The following UCHL5 variants were observed in gnomAD, a reference collection of about 807,000 sequenced individuals.
UCHL5 encodes the protein ubiquitin C-terminal hydrolase L5, also known as ubiquitin carboxyl-terminal hydrolase isozyme L5.
Under a neutral mutation model 53.8 loss-of-function variants are expected in UCHL5, and 34 were observed. The ratio of observed to expected loss-of-function variants is 0.63; its 90% CI spans 0.48 to 0.84. The LOEUF is 0.84. UCHL5 is among the 40% of genes least tolerant of loss of function. The pLI is 0.00. For synonymous variants in UCHL5, 111 were observed against 126.3 expected, an observed-to-expected ratio of 0.88 and a Z score of 0.81; for missense variants, 290 against 385.6, an observed-to-expected ratio of 0.75 and a Z score of 2.08.
chr1:193,016,328 T>C lies in UCHL5; in HGVS notation c.*23A>G, dbSNP rs1654898999. 3.8e-6 allele frequency: 6 copies of C among 1,598,518 alleles called. No homozygotes were observed. Among genetic ancestry groups the C allele is most frequent in the Non-Finnish European group, 4.3e-6 (5 of 1,175,502 alleles). ...ATGAAAATATGTGCAGAAGCAGAAA[T>C]GTGTACATATCTGAAAACATCTTCA... On this transcript the variant is annotated 3_prime_UTR_variant, in exon 11 of 11. Transcript: ENST00000367454.
rs770158041 is a variant in UCHL5 at position 193,029,322 on chromosome 1, A to C, written c.435-13T>G. 1.2e-6 allele frequency: 2 copies of C among 1,613,098 alleles called. No homozygotes were observed. The highest frequency in any genetic ancestry group is 1.1e-5 in the South Asian group (1 of 90,886). ...AAACATTTGCTGTCTACAGTAAATA[A>C]AAAAATAGTGAAACTCAAAGAAGCA... On this transcript the variant is annotated splice_polypyrimidine_tract_variant and intron_variant, in intron 5 of 10. Transcript: ENST00000367454.
chr1:193,043,016 T>C (rs964735562), intron 3 of UCHL5, among the ~76,000 whole-genome samples: 8 of 151,904 alleles, frequency 5.3e-5, no homozygotes, highest in Non-Finnish European at 1.2e-4. Flanking sequence ...CCCTTCCTCC[T>C]GTCTGAATAC....
intron 3 of UCHL5, among the ~76,000 whole-genome samples, chr1:193,043,740 C>T (rs1248393305): frequency 6.6e-6 from 1 of 152,138 alleles, no homozygotes; most frequent in African/African-American, 2.4e-5. Context: ...GACCAAGGCC[C>T]ACTAAAAACT....
At chr1:193,023,816 C>T in intron 8 of UCHL5, 28 bp downstream of exon 8, 4 of 1,539,024 alleles carry the variant, frequency 2.6e-6, no homozygotes, top group Non-Finnish European at 3.6e-6. Context: ...CAAGCTAGAA[C>T]TTTGTACTTA....
upstream of UCHL5, chr1:193,059,679 C>A: frequency 7.3e-7 from 1 of 1,366,500 alleles, no homozygotes; most frequent in Non-Finnish European, 9.8e-7. This position sits in a 1 kb window ranked among gnomAD's most constrained non-coding sequence, Gnocchi z 4.9. Context: ...CTGTGGCTGT[C>A]GCTGCCCGTC....
intron 3 of UCHL5, among the ~76,000 whole-genome samples, chr1:193,043,165 A>AAAAAAAAAAAAAAC: frequency 6.8e-6 from 1 of 148,080 alleles, no homozygotes; most frequent in Non-Finnish European, 1.5e-5. Flanking sequence ...AAAAAAAAAA[A>AAAAAAAAAAAAAAC]AAAAAAAAAA....
rs1656271861 is a variant in UCHL5, at chr1:193,019,838, T to C, written c.942+1259A>G. The C allele has an allele frequency of 7.4e-6, 7 of 950,090 alleles. No homozygotes were observed. The South Asian group carries it at 3.4e-4, about 46-fold the overall frequency. The allele number at this position is 950,090 out of a possible 1,614,324, so 58.9% of individuals were successfully genotyped here. ...TCAATTTTAATGCAAAATTTATACA[T>C]TTAATATTTATCTAAGGGTCCTAGT... is the stretch of plus-strand genomic sequence containing the variant. On this transcript the variant is annotated intron_variant, in intron 10 of 10. Transcript: ENST00000367454.
Position 193,013,615 on chromosome 1 carries a change from T to C in UCHL5, c.*2736A>G, listed in dbSNP as rs942188512. 2.6e-5 allele frequency: 4 copies of C among 152,182 alleles called. No homozygotes were observed. The highest frequency in any genetic ancestry group is 5.9e-5 in the Non-Finnish European group (4 of 68,024). 9.4% of individuals were successfully genotyped at this position (152,182 alleles called of 1,614,324 possible). ...TTTTTACTTATCTGTTTTCTCTAAA[T>C]GGTTTTTGAGGAGAATACATTAAAA... On this transcript the variant is annotated 3_prime_UTR_variant, in exon 11 of 11. Transcript: ENST00000367454.
Position 193,059,279 on chromosome 1 carries a change from C to A in UCHL5, c.-19G>T, listed in dbSNP as rs1055508895. The A allele has an allele frequency of 1.5e-5, 25 of 1,613,614 alleles. No homozygotes were observed. The highest frequency in any genetic ancestry group is 2.0e-5 in the Non-Finnish European group (24 of 1,179,822). ...CCGTCATGGCCCTGGCCACACACCGCCCCGATCCACCTCTCGCTCTCAGCT... is the reference window on the plus strand; with the variant it reads ...CCGTCATGGCCCTGGCCACACACCGACCCGATCCACCTCTCGCTCTCAGCT... On this transcript the variant is annotated 5_prime_UTR_variant, in exon 1 of 11. Coordinates refer to ENST00000367454, the MANE Select transcript of UCHL5 (RefSeq NM_001199261.3). The surrounding 1 kb of genome is among the most constrained non-coding windows in gnomAD (Gnocchi z 4.9).
chr1:193,014,854 C>T lies in UCHL5; in HGVS notation c.*1497G>A, dbSNP rs1206627930. On this transcript the variant is annotated 3_prime_UTR_variant, in exon 11 of 11. Coordinates refer to ENST00000367454, the MANE Select transcript of UCHL5 (RefSeq NM_001199261.3). ...TGTATTGATTACTAAATACAACTTA[C>T]CACAATAATCCTCACATTGCTTAAC... 6.6e-6 allele frequency: 1 copy of T among 152,014 alleles called. No individual in the cohort carries two copies. Among genetic ancestry groups the T allele is most frequent in the African/African-American group, 2.4e-5 (1 of 41,396 alleles). The allele number at this position is 152,014 out of a possible 1,614,324, so 9.4% of individuals were successfully genotyped here.
intron 3 of UCHL5, among the ~76,000 whole-genome samples, chr1:193,040,923 G>C (rs144772994): frequency 0.012 from 1,850 of 152,290 alleles, 18 homozygotes; most frequent in South Asian, 0.034. Context: ...TCACTCACAT[G>C]TGAAAGCTAA....
chr1:193,046,379 T>C (rs535886857), intron 3 of UCHL5, among the ~76,000 whole-genome samples: 94 of 152,074 alleles, frequency 6.2e-4, no homozygotes, highest in Non-Finnish European at 1.1e-3. Context: ...TGTTGACTAC[T>C]AAAAGATTAA....
At chr1:193,051,422 T>A (rs974962085) in intron 2 of UCHL5, among the ~76,000 whole-genome samples, 1 of 151,842 alleles carries the variant, frequency 6.6e-6, no homozygotes, top group African/African-American at 2.4e-5. Context: ...TTCTTGCTTT[T>A]TATGTTAAAA....
Position 193,028,093 on chromosome 1 carries a change from C to G in UCHL5, c.621G>C (p.Arg207Ser), listed in dbSNP as rs761056431. Residue 207 changes from arginine to serine, a missense_variant, in exon 7 of 11, where the codon AGG becomes AGC. Coordinates refer to ENST00000367454, the MANE Select transcript of UCHL5 (RefSeq NM_001199261.3). Reference sequence around the variant, plus strand: ...ATTAGCTGAGCATTTACTTTTGTATCCTTTTTTCTATGACAGGCCTTACTG... The same window carrying G: ...ATTAGCTGAGCATTTACTTTTGTATGCTTTTTTCTATGACAGGCCTTACTG... ...ISAVRPVIEK[R>S]IQKYSEGEIR... 6.2e-7 allele frequency: 1 copy of G among 1,605,580 alleles called. No individual in the cohort carries two copies. The highest frequency in any genetic ancestry group is 1.1e-5 in the South Asian group (1 of 88,634).
At chr1:193,021,059 C>T (rs754727862) in intron 10 of UCHL5, 38 bp downstream of exon 10, 16 of 1,460,116 alleles carry the variant, frequency 1.1e-5, no homozygotes, top group Non-Finnish European at 1.5e-5. Context: ...TTTGGAGACT[C>T]TAAACTTAAT....
chr1:193,027,177 A>C (rs1659588549), intron 7 of UCHL5, among the ~76,000 whole-genome samples: 1 of 152,218 alleles, frequency 6.6e-6, no homozygotes, highest in Admixed American at 6.5e-5. Flanking sequence ...CATCAATGCC[A>C]GTATCCTGGC....
intron 3 of UCHL5, 67 bp downstream of exon 3, chr1:193,049,679 G>A: frequency 7.7e-7 from 1 of 1,294,516 alleles, no homozygotes; most frequent in Non-Finnish European, 1.1e-6. Context: ...GCAAACAGTA[G>A]TAAACTAGAG....
In UCHL5 at chr1:193,053,283, T is replaced by C. The variant is rs140874072; in HGVS notation, c.77-1466A>G. ...CAACTGTTAACACTGGTTACTTCTA[T>C]TGGAAATCAAAAAACAGGCCAAACA... On this transcript the variant is annotated intron_variant, in intron 1 of 10. Transcript: ENST00000367454. Among the ~76,000 whole-genome samples the C allele has an allele frequency of 3.5e-4, 53 of 152,292 alleles. 1 individual carries two copies. Among genetic ancestry groups the C allele is most frequent in the Admixed American group, 7.8e-4 (12 of 15,290 alleles).
upstream of UCHL5, chr1:193,059,699 T>C: frequency 7.4e-7 from 1 of 1,357,244 alleles, no homozygotes; most frequent in Non-Finnish European, 9.8e-7. This position sits in a 1 kb window ranked among gnomAD's most constrained non-coding sequence, Gnocchi z 4.9. Context: ...CAGGCTGCCT[T>C]CTTTTGTCGT....
Sources: allele counts gnomAD v4.1 joint callset (sites outside exome capture counted in the v4.1 genomes callset), GRCh38; gene constraint gnomAD v4.1.1; non-coding constraint Gnocchi (gnomAD v3.1); transcripts MANE v1.5; gene names NCBI Gene and HGNC (gene_info 2026-07-23, HGNC 2026-07-21).